Variants in MINDY3 observed in about 807,000 individuals in gnomAD.
The protein encoded by MINDY3 is ubiquitin carboxyl-terminal hydrolase MINDY-3.
A neutral mutation model predicts 69.2 loss-of-function variants in MINDY3; 38 were observed. The observed-to-expected ratio is 0.55, with a 90% CI of 0.42 to 0.72. The LOEUF (loss-of-function observed/expected upper bound fraction) is 0.72, where lower values mean the gene tolerates loss of function less well. Ranked by LOEUF, MINDY3 falls within the 30% of genes least tolerant of loss-of-function variation. MINDY3 has a pLI of 0.00. For missense variants in MINDY3, 522 were observed against 519.0 expected (o/e 1.01, Z -0.06); for synonymous variants, 192 against 180.1 (o/e 1.07, Z -0.53).
chr10:15,843,101 G>A (rs1833594499), intron 3 of MINDY3, 111 bp downstream of exon 3: 1 of 853,818 alleles, frequency 1.2e-6, no homozygotes, highest in East Asian at 2.4e-5. Context: ...ATTTTAAAAG[G>A]AAACCTCAGG....
At chr10:15,860,158 A>T (rs1834994125) in intron 1 of MINDY3, 48 bp downstream of exon 1, 2 of 1,416,660 alleles carry the variant, frequency 1.4e-6, no homozygotes, top group African/African-American at 2.8e-5. Context: ...GGACTCTCGC[A>T]GGGCAAAAGA....
chr10:15,789,327 G>C lies in MINDY3; in HGVS notation c.956-8C>G. 2 of 1,603,086 alleles carry C rather than the reference G, an allele frequency of 1.2e-6. No homozygotes were observed. Among genetic ancestry groups the C allele is most frequent in the Middle Eastern group, 1.7e-4 (1 of 6,018 alleles). ...CGGGTATGAATCCATTATCTAGGGG[G>C]GAAAAAATCAGAAACAACTTGAAAT... On this transcript the variant is annotated splice_region_variant and splice_polypyrimidine_tract_variant and intron_variant, in intron 11 of 14. Coordinates refer to ENST00000277632, the MANE Select transcript of MINDY3 (RefSeq NM_024948.4).
intron 14 of MINDY3, among the ~76,000 whole-genome samples, chr10:15,780,044 C>T (rs896184510): frequency 5.3e-5 from 8 of 152,090 alleles, no homozygotes; most frequent in African/African-American, 1.4e-4. Context: ...CAGATACAGA[C>T]GACTGTCTTC....
intron 1 of MINDY3, 117 bp downstream of exon 1, chr10:15,860,089 A>C: frequency 1.3e-6 from 1 of 756,404 alleles, no homozygotes; most frequent in Non-Finnish European, 2.2e-6. Flanking sequence ...AGCGCTGAGC[A>C]CGGCGACTGG....
chr10:15,841,597 C>A lies in MINDY3; in HGVS notation c.238G>T (p.Glu80Ter). 6.3e-7 allele frequency: 1 copy of A among 1,595,742 alleles called. No homozygotes were observed. Among genetic ancestry groups the A allele is most frequent in the Non-Finnish European group, 8.5e-7 (1 of 1,171,558 alleles). ...TGACAAAGGAGTTCCTTCTGCTCTT[C>A]CTCTAAAAATAACCAAAGCATAAGT... ...EKSSWRDCSE[E>*]EQKELLCHTL... The change falls in exon 4 of 15, where the codon GAA becomes TAA. Residue 80 changes from glutamate (E) to a stop codon, truncating the protein, a stop_gained and splice_region_variant. Transcript: ENST00000277632. LOFTEE classifies it high-confidence loss of function.
intron 11 of MINDY3, among the ~76,000 whole-genome samples, chr10:15,794,119 A>AC (rs1336273139): frequency 1.3e-5 from 2 of 152,090 alleles, no homozygotes; most frequent in African/African-American, 4.8e-5. Flanking sequence ...ACTCCTGGGT[A>AC]CCTTCAGTGT....
At chr10:15,795,700 G>A (rs1027461883) in intron 11 of MINDY3, among the ~76,000 whole-genome samples, 2 of 152,030 alleles carry the variant, frequency 1.3e-5, no homozygotes, top group Non-Finnish European at 2.9e-5. Context: ...TGATTCAGAT[G>A]ATCTTCCTCT....
At chr10:15,806,296 C>T (rs1838634890) in intron 10 of MINDY3, among the ~76,000 whole-genome samples, 1 of 152,128 alleles carries the variant, frequency 6.6e-6, no homozygotes, top group African/African-American at 2.4e-5. Context: ...ATGTAAGCTG[C>T]ACATGGAGGA....
At chr10:15,834,278 A>T (rs577105206) in intron 7 of MINDY3, among the ~76,000 whole-genome samples, 1 of 152,234 alleles carries the variant, frequency 6.6e-6, no homozygotes, top group South Asian at 2.1e-4. Context: ...TCATTTAAAA[A>T]AATTACAAAT....
chr10:15,819,887 G>A (rs773246172), intron 9 of MINDY3, among the ~76,000 whole-genome samples: 1 of 152,128 alleles, frequency 6.6e-6, no homozygotes, highest in Non-Finnish European at 1.5e-5. Context: ...GGGGAAAAAC[G>A]TTCTTCTGTT....
In MINDY3 at chr10:15,778,667, T is replaced by TGATACTTAATA. The variant is rs1192517317; in HGVS notation, c.*314_*324dup. The TGATACTTAATA allele has an allele frequency of 5.4e-6, 1 of 184,634 alleles. No individual in the cohort carries two copies. The highest frequency in any genetic ancestry group is 2.4e-5 in the African/African-American group (1 of 42,552). 11.4% of individuals were successfully genotyped at this position (184,634 alleles called of 1,614,324 possible). On this transcript the variant is annotated 3_prime_UTR_variant, in exon 15 of 15. Coordinates refer to ENST00000277632, the MANE Select transcript of MINDY3 (RefSeq NM_024948.4). ...AAAAGTAGTTTATCAATAGTAACTGTGATACTTAATATACAAATGCTGTAG... is the reference window on the plus strand; with the variant it reads ...AAAAGTAGTTTATCAATAGTAACTGTGATACTTAATAGATACTTAATATACAAATGCTGTAG...
intron 1 of MINDY3, among the ~76,000 whole-genome samples, chr10:15,853,366 A>G (rs1344967417): frequency 6.6e-6 from 1 of 152,078 alleles, no homozygotes; most frequent in Non-Finnish European, 1.5e-5. Flanking sequence ...CTAAGATATG[A>G]TTTGCCCCTT....
At chr10:15,839,978 C>T (rs894827432) in intron 4 of MINDY3, among the ~76,000 whole-genome samples, 4 of 151,554 alleles carry the variant, frequency 2.6e-5, no homozygotes, top group Admixed American at 2.0e-4. Flanking sequence ...AGCAACGTGA[C>T]GTATCACCAC....
chr10:15,814,461 C>T (rs1839218317), intron 10 of MINDY3, among the ~76,000 whole-genome samples: 1 of 151,124 alleles, frequency 6.6e-6, no homozygotes, highest in Non-Finnish European at 1.5e-5. Context: ...CTAATAATTC[C>T]CCCCACCCCT....
intron 9 of MINDY3, among the ~76,000 whole-genome samples, chr10:15,819,871 T>C (rs1247302575): frequency 6.6e-6 from 1 of 152,108 alleles, no homozygotes; most frequent in African/African-American, 2.4e-5. Context: ...CCCACTAAGA[T>C]CTTGAGGGGA....
chr10:15,849,436 C>T (rs1459754544), intron 1 of MINDY3, among the ~76,000 whole-genome samples: 1 of 150,650 alleles, frequency 6.6e-6, no homozygotes, highest in Non-Finnish European at 1.5e-5. Context: ...ACAGTAATAT[C>T]ATCTTACTGG....
rs1466709582 is a variant in MINDY3 at position 15,778,857 on chromosome 10, C to T, written c.*135G>A. 1 of 684,828 alleles carries T rather than the reference C, an allele frequency of 1.5e-6. No homozygotes were observed. The highest frequency in any genetic ancestry group is 2.3e-6 in the Non-Finnish European group (1 of 429,860). 42.4% of individuals were successfully genotyped at this position (684,828 alleles called of 1,614,324 possible). A position where few individuals can be genotyped will look rare whatever the true frequency, so the allele number is the denominator to read the frequency against. Reference sequence around the variant, plus strand: ...AAATAATTTAAACATATCATAAACACTGAAAATGTGTTTTTAATTGTTATT... The same window carrying T: ...AAATAATTTAAACATATCATAAACATTGAAAATGTGTTTTTAATTGTTATT... On this transcript the variant is annotated 3_prime_UTR_variant, in exon 15 of 15. Transcript: ENST00000277632.
intron 8 of MINDY3, among the ~76,000 whole-genome samples, chr10:15,829,843 A>C (rs916164336): frequency 6.6e-6 from 1 of 152,180 alleles, no homozygotes; most frequent in Admixed American, 6.5e-5. Context: ...TGTATTTTTA[A>C]CCTCAATGCA....
At position 15,841,611 on chromosome 10, in the gene MINDY3, CA is replaced by C; in HGVS notation, c.236-13del. The stretch of plus-strand genomic sequence containing the variant: ...CTTCTGCTCTTCCTCTAAAAATAAC[CA>C]AAGCATAAGTTATAATGGTTTCCTC... On this transcript the variant is annotated splice_polypyrimidine_tract_variant and intron_variant, in intron 3 of 14. Transcript: ENST00000277632. The C allele has an allele frequency of 6.3e-7, 1 of 1,577,090 alleles. No individual in the cohort carries two copies. The highest frequency in any genetic ancestry group is 8.6e-7 in the Non-Finnish European group (1 of 1,160,272).
Sources: allele counts gnomAD v4.1 joint callset (sites outside exome capture counted in the v4.1 genomes callset), GRCh38; gene constraint gnomAD v4.1.1; transcripts MANE v1.5; gene names NCBI Gene and HGNC (gene_info 2026-07-23, HGNC 2026-07-21).